Variants in SETD3 observed in about 807,000 individuals in gnomAD.
SETD3 encodes the protein SET domain containing 3, actin N3(tau)-histidine methyltransferase.
Under a neutral mutation model 63.0 loss-of-function variants are expected in SETD3, and 19 were observed. That is an observed-to-expected ratio of 0.30 (90% CI 0.21 to 0.44). The LOEUF is 0.44. Ranked by LOEUF, SETD3 falls within the 20% of genes least tolerant of loss-of-function variation. SETD3 has a pLI of 1.00. For missense variants in SETD3, 587 were observed against 728.5 expected (o/e 0.81, Z 2.24); for synonymous variants, 286 against 264.1 (o/e 1.08, Z -0.80).
intron 6 of SETD3, among the ~76,000 whole-genome samples, chr14:99,442,455 A>T (rs1893878849): frequency 1.3e-5 from 2 of 152,108 alleles, no homozygotes; most frequent in Non-Finnish European, 2.9e-5. Context: ...TGACTCTTGA[A>T]CCACACGGGT....
At chr14:99,447,367 C>G (rs1360652857) in intron 6 of SETD3, among the ~76,000 whole-genome samples, 1 of 152,216 alleles carries the variant, frequency 6.6e-6, no homozygotes, top group African/African-American at 2.4e-5. Flanking sequence ...GGTGAAGTCT[C>G]CATGTGATCT....
chr14:99,436,383 C>T (rs1893484028), intron 6 of SETD3, among the ~76,000 whole-genome samples: 1 of 152,112 alleles, frequency 6.6e-6, no homozygotes, highest in Non-Finnish European at 1.5e-5. Flanking sequence ...CATCCAGAAA[C>T]AGGGTCTTCT....
At chr14:99,419,328 A>G (rs1353914256) in intron 6 of SETD3, among the ~76,000 whole-genome samples, 1 of 152,242 alleles carries the variant, frequency 6.6e-6, no homozygotes, top group Non-Finnish European at 1.5e-5. Flanking sequence ...AATTAAGAAA[A>G]TGAAATTAGT....
intron 2 of SETD3, among the ~76,000 whole-genome samples, chr14:99,464,166 A>G (rs937591683): frequency 2.6e-5 from 4 of 152,194 alleles, no homozygotes; most frequent in Non-Finnish European, 5.9e-5. Flanking sequence ...AGAAGCCAAG[A>G]TTCCACTGTG....
intron 5 of SETD3, among the ~76,000 whole-genome samples, chr14:99,458,774 C>CAAAAAAAAA (rs5810953): frequency 2.2e-5 from 2 of 89,544 alleles, no homozygotes; most frequent in Non-Finnish European, 4.2e-5. Context: ...CCCATCACTA[C>CAAAAAAAAA]AAAAAAAAAA....
At chr14:99,404,812 T>G (rs1239738139) in intron 10 of SETD3, among the ~76,000 whole-genome samples, 1 of 152,216 alleles carries the variant, frequency 6.6e-6, no homozygotes, top group Non-Finnish European at 1.5e-5. Context: ...CTTAAAGAAC[T>G]TAACTAGAAA....
intron 8 of SETD3, chr14:99,409,980 CG>C (rs764695766): frequency 1.7e-4 from 70 of 422,978 alleles, no homozygotes; most frequent in Non-Finnish European, 1.9e-4. Flanking sequence ...TAATGGGAGG[CG>C]GGGGGGTGAA....
chr14:99,414,995 G>A (rs1892213987), intron 6 of SETD3, among the ~76,000 whole-genome samples: 2 of 152,186 alleles, frequency 1.3e-5, no homozygotes, highest in African/African-American at 4.8e-5. Context: ...GGACAGTAGG[G>A]GATGAGGTAA....
rs77682126 is a variant in SETD3, at chr14:99,465,384, G to A, written c.103+319C>T. Among the ~76,000 whole-genome samples the A allele has an allele frequency of 2.7e-3, 414 of 152,292 alleles. 1 individual carries two copies. Among genetic ancestry groups the A allele is most frequent in the African/African-American group, 9.3e-3 (385 of 41,550 alleles). On this transcript the variant is annotated intron_variant, in intron 2 of 12. Coordinates refer to ENST00000331768, the MANE Select transcript of SETD3 (RefSeq NM_032233.3). The stretch of plus-strand genomic sequence containing the variant: ...GGAAGGGTTCAGTAATCTGCCGAGC[G>A]GCACACTGTGAAAAAGCAGTAGAGC...
chr14:99,463,324 A>C (rs1301962367), intron 3 of SETD3, among the ~76,000 whole-genome samples, 162 bp downstream of exon 3: 6 of 152,214 alleles, frequency 3.9e-5, no homozygotes, highest in Admixed American at 3.3e-4. Flanking sequence ...GAAAGGGGAG[A>C]AATCCCGCTA....
chr14:99,459,255 G>T (rs1273691531), intron 4 of SETD3, 70 bp from the exon 5 acceptor site: 1 of 1,083,140 alleles, frequency 9.2e-7, no homozygotes, highest in Non-Finnish European at 1.4e-6. Context: ...CATATCTACG[G>T]TCAGAAATCC....
chr14:99,426,418 C>T (rs1279265578), intron 6 of SETD3, among the ~76,000 whole-genome samples: 1 of 152,208 alleles, frequency 6.6e-6, no homozygotes, highest in Non-Finnish European at 1.5e-5. Flanking sequence ...ATGGTGGACA[C>T]TGACAAATAG....
At chr14:99,428,697 G>T (rs575484417) in intron 6 of SETD3, among the ~76,000 whole-genome samples, 17 of 152,238 alleles carry the variant, frequency 1.1e-4, no homozygotes, top group African/African-American at 4.1e-4. Flanking sequence ...AGAAAATGTG[G>T]GGAGGGGGTA....
intron 6 of SETD3, among the ~76,000 whole-genome samples, chr14:99,416,378 C>T (rs1302395408): frequency 3.3e-5 from 5 of 152,150 alleles, no homozygotes; most frequent in Non-Finnish European, 7.4e-5. Context: ...GATAACTGAG[C>T]GTTCCTCACT....
rs531958895 is a variant in SETD3 at position 99,478,610 on chromosome 14, G to A, written c.-9+2118C>T. On this transcript the variant is annotated intron_variant, in intron 1 of 12. Coordinates refer to ENST00000331768, the MANE Select transcript of SETD3 (RefSeq NM_032233.3). ...GCATTCAGAGTAACCCTGACTTGGA[G>A]GTAGGATTTTTGCTCATATTTTTAC... The A allele has an allele frequency of 1.5e-4, 23 of 152,320 alleles. No individual in the cohort carries two copies. In the East Asian group the frequency reaches 3.3e-3, roughly 22 times the overall value. The allele number at this position is 152,320 out of a possible 1,614,324, so 9.4% of individuals were successfully genotyped here.
In SETD3 at chr14:99,412,933, A is replaced by T; in HGVS notation, c.849+18T>A. Reference sequence around the variant, plus strand: ...CAGCCTCCCAGATTCAACACAACACAGGGGAAGAGGTCGTTACCAGGCCGT... The same window carrying T: ...CAGCCTCCCAGATTCAACACAACACTGGGGAAGAGGTCGTTACCAGGCCGT... On this transcript the variant is annotated intron_variant, in intron 8 of 12. Coordinates refer to ENST00000331768, the MANE Select transcript of SETD3 (RefSeq NM_032233.3). The T allele has an allele frequency of 6.5e-7, 1 of 1,532,384 alleles. No homozygotes were observed. Among genetic ancestry groups the T allele is most frequent in the Non-Finnish European group, 9.0e-7 (1 of 1,105,448 alleles). The allele number at this position is 1,532,384 out of a possible 1,614,324, so 94.9% of individuals were successfully genotyped here. A position where few individuals can be genotyped will look rare whatever the true frequency, so the allele number is the denominator to read the frequency against.
chr14:99,465,266 G>C (rs1462987596), intron 2 of SETD3, among the ~76,000 whole-genome samples: 2 of 152,212 alleles, frequency 1.3e-5, no homozygotes, highest in African/African-American at 4.8e-5. Flanking sequence ...CCAACAGCCC[G>C]TGAAGTACCT....
At chr14:99,472,518 T>C (rs1895758423) in intron 1 of SETD3, among the ~76,000 whole-genome samples, 1 of 152,176 alleles carries the variant, frequency 6.6e-6, no homozygotes, top group Admixed American at 6.5e-5. Context: ...TTTAAACAAA[T>C]GAGACACTCA....
chr14:99,453,226 A>G (rs939733369), intron 6 of SETD3, among the ~76,000 whole-genome samples: 2 of 152,236 alleles, frequency 1.3e-5, no homozygotes, highest in African/African-American at 2.4e-5. Context: ...TTTGGTACTG[A>G]GATGAGAAAA....
Sources: gnomAD v4.1 joint callset for allele counts (sites outside exome capture counted in the v4.1 genomes callset) on GRCh38, gnomAD v4.1.1 for gene constraint, MANE v1.5 for transcripts, NCBI Gene and HGNC (gene_info 2026-07-23, HGNC 2026-07-21) for gene names.